Variants in CERS2 observed in about 807,000 individuals in gnomAD.
The protein encoded by CERS2 is LAG1 homolog, ceramide synthase 2.
A neutral mutation model predicts 56.6 loss-of-function variants in CERS2; 20 were observed. The ratio of observed to expected loss-of-function variants is 0.35; its 90% CI spans 0.25 to 0.51. The LOEUF (loss-of-function observed/expected upper bound fraction) is 0.51, where lower values mean the gene tolerates loss of function less well. Among genes scored for constraint, CERS2 ranks in the 20% least tolerant of loss-of-function variants. The pLI, the probability that CERS2 is intolerant of heterozygous loss-of-function variation, is 0.96. For missense variants in CERS2, 361 were observed against 488.6 expected (o/e 0.74, Z 2.46); for synonymous variants, 187 against 175.4 (o/e 1.07, Z -0.52).
chr1:150,967,717 G>A lies in CERS2; in HGVS notation c.469-3C>T, dbSNP rs760073090. 23 of 1,613,720 alleles carry A rather than the reference G, an allele frequency of 1.4e-5. No individual in the cohort carries two copies. The highest frequency in any genetic ancestry group is 1.9e-5 in the Non-Finnish European group (23 of 1,179,712). Reference sequence around the variant, plus strand: ...TTCATGTCATAGAACCAGGGTTTCTGCAGAGAGATGGTGAGAAGTTAAAAG... The same window carrying A: ...TTCATGTCATAGAACCAGGGTTTCTACAGAGAGATGGTGAGAAGTTAAAAG... On this transcript the variant is annotated splice_region_variant and splice_polypyrimidine_tract_variant and intron_variant, in intron 5 of 10. Transcript: ENST00000368954.
At position 150,966,604 on chromosome 1, in the gene CERS2, G is replaced by C; in HGVS notation, c.874C>G (p.Pro292Ala). Residue 292 changes from proline to alanine, a missense_variant, in exon 10 of 11, where the codon CCA becomes GCA. Pro to Ala is a conservative substitution (Grantham distance 27). Coordinates refer to ENST00000368954, the MANE Select transcript of CERS2 (RefSeq NM_022075.5). ...AAGAAGGCAGGATAGAGCTCCAGTG[G>C]GTACACCAGGGTGCAATGCAGGATC... ...FWILHCTLVY[P>A]LELYPAFFGY... is the part of the protein sequence containing the mutation. The C allele has an allele frequency of 1.2e-6, 2 of 1,614,036 alleles. No individual in the cohort carries two copies. Among genetic ancestry groups the C allele is most frequent in the South Asian group, 1.1e-5 (1 of 91,064 alleles).
chr1:150,968,376 A>G lies in CERS2; in HGVS notation c.291+19T>C. 2 of 1,592,738 alleles carry G rather than the reference A, an allele frequency of 1.3e-6. No individual in the cohort carries two copies. The highest frequency in any genetic ancestry group is 1.7e-6 in the Non-Finnish European group (2 of 1,160,464). ...CAAACTCAGTGATTCCCAGAGCCAG[A>G]GCAGCATGCGGCTCATACCTGCTTG... is the stretch of plus-strand genomic sequence containing the variant. On this transcript the variant is annotated intron_variant, in intron 3 of 10. Coordinates refer to ENST00000368954, the MANE Select transcript of CERS2 (RefSeq NM_022075.5).
chr1:150,966,434 G>A (rs1671018378), intron 10 of CERS2, 42 bp downstream of exon 10: 7 of 1,610,280 alleles, frequency 4.3e-6, no homozygotes, highest in Non-Finnish European at 5.9e-6. Flanking sequence ...TCAGGAAGTT[G>A]TAGAGAGTAG....
In CERS2 at chr1:150,966,077, C is replaced by T; in HGVS notation, c.*71G>A. 1 of 1,436,488 alleles carries T rather than the reference C, an allele frequency of 7.0e-7. No individual in the cohort carries two copies. Among genetic ancestry groups the T allele is most frequent in the Non-Finnish European group, 9.5e-7 (1 of 1,056,696 alleles). 89.0% of individuals were successfully genotyped at this position (1,436,488 alleles called of 1,614,324 possible). ...CCTTTTTCCCCAGAGCTTAAAGTGACCCTATAGCGCAGGGAGCGGGGTAGT... is the reference window on the plus strand; with the variant it reads ...CCTTTTTCCCCAGAGCTTAAAGTGATCCTATAGCGCAGGGAGCGGGGTAGT... On this transcript the variant is annotated 3_prime_UTR_variant, in exon 11 of 11. Coordinates refer to ENST00000368954, the MANE Select transcript of CERS2 (RefSeq NM_022075.5).
In CERS2 at chr1:150,966,459, T is replaced by A; in HGVS notation, c.1002+17A>T. The A allele has an allele frequency of 6.2e-7, 1 of 1,613,888 alleles. No homozygotes were observed. The highest frequency in any genetic ancestry group is 8.5e-7 in the Non-Finnish European group (1 of 1,179,932). On this transcript the variant is annotated intron_variant, in intron 10 of 10. Transcript: ENST00000368954. Reference sequence around the variant, plus strand: ...GTAGAGAGTAGTAAGGCCTACACAATGGGAACAGGGCTTCACCTTTCCAGT... The same window carrying A: ...GTAGAGAGTAGTAAGGCCTACACAAAGGGAACAGGGCTTCACCTTTCCAGT...
chr1:150,971,901 G>T (rs756471865), intron 1 of CERS2: 20 of 471,038 alleles, frequency 4.2e-5, no homozygotes, highest in Non-Finnish European at 7.9e-5. Context: ...AAAGCCAAAG[G>T]TACCATGTTG....
chr1:150,967,889 A>G lies in CERS2; in HGVS notation c.411-12T>C, dbSNP rs1275573900. The G allele has an allele frequency of 5.0e-6, 8 of 1,608,804 alleles. No individual in the cohort carries two copies. Among genetic ancestry groups the G allele is most frequent in the Admixed American group, 1.7e-5 (1 of 60,014 alleles). On this transcript the variant is annotated splice_polypyrimidine_tract_variant and intron_variant, in intron 4 of 10. Transcript: ENST00000368954. ...ATGTGAATCTCCAGCTGGCAGAGGA[A>G]GCAGAAATGGCTAGGTCAGAGGATA...
At chr1:150,967,750 A>C (rs769273032) in intron 5 of CERS2, 36 bp from the exon 6 acceptor site, 2 of 1,610,050 alleles carry the variant, frequency 1.2e-6, no homozygotes, top group Non-Finnish European at 1.7e-6. Context: ...AAGAGGAGGA[A>C]CCCAAATTCC....
In CERS2 at chr1:150,966,583, A is replaced by C. The variant is rs2102766377; in HGVS notation, c.895T>G (p.Phe299Val). 6.2e-7 allele frequency: 1 copy of C among 1,614,104 alleles called. No individual in the cohort carries two copies. Among genetic ancestry groups the C allele is most frequent in the Non-Finnish European group, 8.5e-7 (1 of 1,179,996 alleles). The change falls in exon 10 of 11, where the codon TTC becomes GTC. Residue 299 changes from phenylalanine to valine, a missense_variant. Around this residue, in one of 3 missense-constraint regions of CERS2, gnomAD observed 122 missense variants for 151.9 expected, o/e 0.80. Transcript: ENST00000368954. ...LVYPLELYPA[F>V]FGYYFFNSMM... ...GAATTGAAGAAGTAATAGCCAAAGA[A>C]GGCAGGATAGAGCTCCAGTGGGTAC... is the stretch of plus-strand genomic sequence containing the variant.
At chr1:150,972,617 G>C (rs587652572) in intron 1 of CERS2, among the ~76,000 whole-genome samples, 1 of 152,172 alleles carries the variant, frequency 6.6e-6, no homozygotes. Context: ...ATCACATCTA[G>C]AAACACTTTT....
At chr1:150,967,742 G>C (rs2102768075) in intron 5 of CERS2, 28 bp from the exon 6 acceptor site, 3 of 1,612,694 alleles carry the variant, frequency 1.9e-6, no homozygotes, top group Middle Eastern at 1.7e-4. Flanking sequence ...GAAGTTAAAA[G>C]AGGAGGAACC....
chr1:150,965,952 AC>A lies in CERS2; in HGVS notation c.*195del. 1.8e-6 allele frequency: 1 copy of A among 560,806 alleles called. No individual in the cohort carries two copies. Among genetic ancestry groups the A allele is most frequent in the Non-Finnish European group, 3.1e-6 (1 of 327,080 alleles). 34.7% of individuals were successfully genotyped at this position (560,806 alleles called of 1,614,324 possible). On this transcript the variant is annotated 3_prime_UTR_variant, in exon 11 of 11. Transcript: ENST00000368954. ...GTCCCCCTCTAACAGAATATAACCAACGTCCCCCTACCTGGGGATAGGCTGG... is the reference window on the plus strand; with the variant it reads ...GTCCCCCTCTAACAGAATATAACCAAGTCCCCCTACCTGGGGATAGGCTGG...
intron 1 of CERS2, 49 bp from the exon 2 acceptor site, chr1:150,969,140 GAA>G (rs765334865): frequency 3.2e-6 from 5 of 1,548,096 alleles, no homozygotes; most frequent in Non-Finnish European, 4.4e-6. Context: ...AGCTATGGAG[GAA>G]GAGATAGATG....
At chr1:150,973,323 A>G (rs1671228649) in intron 1 of CERS2, among the ~76,000 whole-genome samples, 1 of 152,160 alleles carries the variant, frequency 6.6e-6, no homozygotes, top group South Asian at 2.1e-4. Context: ...GGACCAAAAC[A>G]CTGCATGAGA....
chr1:150,970,274 T>C (rs1226806892), intron 1 of CERS2, among the ~76,000 whole-genome samples: 1 of 145,036 alleles, frequency 6.9e-6, no homozygotes, highest in Non-Finnish European at 1.5e-5. Flanking sequence ...CAAAATTATG[T>C]CCCCAAATGA....
At chr1:150,967,000 G>A (rs1476149558) in intron 8 of CERS2, 74 bp downstream of exon 8, 25 of 1,542,542 alleles carry the variant, frequency 1.6e-5, no homozygotes, top group African/African-American at 2.7e-5. Context: ...TTCCCACCCC[G>A]CACCTCCCTC....
rs750238584 is a variant in CERS2 at position 150,967,494 on chromosome 1, G to A, written c.520-10C>T. 6 of 1,540,942 alleles carry A rather than the reference G, an allele frequency of 3.9e-6. No homozygotes were observed. The East Asian group carries it at 6.7e-5, about 17-fold the overall frequency. ...GGGAAGGGATAGTGCTCTGGGAGAG[G>A]AGAGAGAGGTAAGAGCAACCAGCCG... On this transcript the variant is annotated splice_polypyrimidine_tract_variant and intron_variant, in intron 6 of 10. Coordinates refer to ENST00000368954, the MANE Select transcript of CERS2 (RefSeq NM_022075.5).
intron 7 of CERS2, 60 bp downstream of exon 7, chr1:150,967,332 G>T: frequency 2.8e-6 from 4 of 1,421,076 alleles, no homozygotes; most frequent in Non-Finnish European, 4.0e-6. Context: ...AAAGGAGAGG[G>T]TGTTCATCCC....
chr1:150,974,630 G>T lies in CERS2; in HGVS notation c.-13C>A, dbSNP rs1571680520. 1 of 149,644 alleles carries T rather than the reference G, an allele frequency of 6.7e-6. No individual in the cohort carries two copies. Among genetic ancestry groups the T allele is most frequent in the East Asian group, 2.0e-4 (1 of 5,054 alleles). The allele number at this position is 149,644 out of a possible 1,614,324, so 9.3% of individuals were successfully genotyped here. On this transcript the variant is annotated 5_prime_UTR_variant, in exon 1 of 11. Coordinates refer to ENST00000368954, the MANE Select transcript of CERS2 (RefSeq NM_022075.5). ...GGGCCCCGACTCACCCGGCGGCAGC[G>T]TTGGCGGGGCCGGGGCCGCTGCTCC...
Sources: allele counts gnomAD v4.1 joint callset (sites outside exome capture counted in the v4.1 genomes callset), GRCh38; gene constraint gnomAD v4.1.1; regional missense constraint gnomAD v4.1.1; transcripts MANE v1.5; gene names NCBI Gene and HGNC (gene_info 2026-07-23, HGNC 2026-07-21).